The following ATP7B variants were observed in gnomAD, a reference collection of about 807,000 sequenced individuals.
The protein encoded by ATP7B is copper-transporting ATPase 2.
In ATP7B, 113 loss-of-function variants were observed where a neutral mutation model predicts 118.9. That is an observed-to-expected ratio of 0.95 (90% CI 0.82 to 1.11). ATP7B has a LOEUF of 1.11. ATP7B is among the 50% of genes most tolerant of loss of function. The pLI, the probability that ATP7B is intolerant of heterozygous loss-of-function variation, is 0.00. For missense variants in ATP7B, 1,867 were observed against 1,871.4 expected (o/e 1.00, Z 0.04); for synonymous variants, 777 against 727.4 (o/e 1.07, Z -1.10).
chr13:51,985,982 C>T (rs1477804334), intron 1 of ATP7B, among the ~76,000 whole-genome samples: 1 of 152,016 alleles, frequency 6.6e-6, no homozygotes, highest in African/African-American at 2.4e-5. Context: ...AAATCAACAC[C>T]CTAACACCAC....
rs371840514 is a variant in ATP7B, at chr13:51,946,291, G to A, written c.3053C>T (p.Ala1018Val). 3.4e-5 allele frequency: 54 copies of A among 1,585,058 alleles called. No individual in the cohort carries two copies. Among genetic ancestry groups the A allele is most frequent in the South Asian group, 1.3e-4 (11 of 87,892 alleles). The change falls in exon 13 of 21, where the codon GCG (alanine) becomes GTG (valine). Residue 1018 changes from alanine to valine, a missense_variant. By Grantham distance (64) the Ala-to-Val change is moderately conservative (BLOSUM62 0). Transcript: ENST00000242839. Reference sequence around the variant, plus strand: ...GCCGTGCTACAGGCTGACCTTGTGCGCCATCTCCAGGGGCTTGCCTCCCTT... The same window carrying A: ...GCCGTGCTACAGGCTGACCTTGTGCACCATCTCCAGGGGCTTGCCTCCCTT... ...LIKGGKPLEM[A>V]HKIKTVMFDK... is the part of the protein sequence containing the mutation.
At chr13:51,956,186 G>C (rs748037889) in intron 9 of ATP7B, among the ~76,000 whole-genome samples, 26 of 152,150 alleles carry the variant, frequency 1.7e-4, no homozygotes, top group Non-Finnish European at 3.5e-4. Flanking sequence ...GTGCCACCGC[G>C]CAGCAGCCAG....
chr13:52,011,278 A>G lies in ATP7B; in HGVS notation c.51+9T>C, dbSNP rs374787021. 2 of 1,614,108 alleles carry G rather than the reference A, an allele frequency of 1.2e-6. No individual in the cohort carries two copies. The highest frequency in any genetic ancestry group is 3.3e-5 in the Admixed American group (2 of 60,012). ...GCACGCTGCGCGGACGCGGGGGAAC[A>G]AAACTCACTTTCCGACTGGCCCCTT... On this transcript the variant is annotated intron_variant, in intron 1 of 20. Coordinates refer to ENST00000242839, the MANE Select transcript of ATP7B (RefSeq NM_000053.4).
chr13:51,949,584 A>C, intron 12 of ATP7B, 78 bp downstream of exon 12: 1 of 1,571,322 alleles, frequency 6.4e-7, no homozygotes, highest in Admixed American at 1.7e-5. Flanking sequence ...CAGTGAATCT[A>C]AGATATGAAA....
chr13:51,980,396 G>A (rs1048856834), intron 1 of ATP7B, among the ~76,000 whole-genome samples: 4 of 152,180 alleles, frequency 2.6e-5, no homozygotes, highest in African/African-American at 9.7e-5. Flanking sequence ...ACAGAAGGGA[G>A]TCCAAAAGTG....
At chr13:51,961,966 A>C (rs1310531425) in intron 5 of ATP7B, 53 bp from the exon 6 acceptor site, 13 of 1,474,718 alleles carry the variant, frequency 8.8e-6, no homozygotes, top group Non-Finnish European at 1.1e-5. Flanking sequence ...ACTTGGTTAA[A>C]ATATGCATTG....
intron 3 of ATP7B, among the ~76,000 whole-genome samples, chr13:51,970,091 C>A (rs550241692): frequency 6.6e-6 from 1 of 152,240 alleles, no homozygotes; most frequent in East Asian, 1.9e-4. Flanking sequence ...CTCTGGTTTA[C>A]AGGAACAACA....
chr13:51,970,784 A>G (rs758864302), intron 2 of ATP7B, 35 bp from the exon 3 acceptor site: 4 of 1,607,100 alleles, frequency 2.5e-6, no homozygotes, highest in Non-Finnish European at 3.4e-6. Flanking sequence ...TCAAATTAGA[A>G]GAGCAAATAA....
At position 51,934,748 on chromosome 13, in the gene ATP7B, T is replaced by C; in HGVS notation, c.*8A>G. The C allele has an allele frequency of 6.2e-7, 1 of 1,613,162 alleles. No individual in the cohort carries two copies. Among genetic ancestry groups the C allele is most frequent in the Non-Finnish European group, 8.5e-7 (1 of 1,180,032 alleles). On this transcript the variant is annotated 3_prime_UTR_variant, in exon 21 of 21. Transcript: ENST00000242839. ...AAGTCCCTGCCCCGGCCCGCCTGCC[T>C]GAAGTCATCAGATGTACTGCTCCTC... is the stretch of plus-strand genomic sequence containing the variant.
chr13:52,010,467 C>G lies in ATP7B; in HGVS notation c.51+820G>C, dbSNP rs527469402. On this transcript the variant is annotated intron_variant, in intron 1 of 20. Coordinates refer to ENST00000242839, the MANE Select transcript of ATP7B (RefSeq NM_000053.4). Reference sequence around the variant, plus strand: ...GAGAGAAAAAAAGTAGCAAACAGAACGTCCACCACTAGGAAACCATGAATA... The same window carrying G: ...GAGAGAAAAAAAGTAGCAAACAGAAGGTCCACCACTAGGAAACCATGAATA... Among the ~76,000 whole-genome samples the G allele has an allele frequency of 2.3e-3, 348 of 152,276 alleles. 1 individual carries two copies. Among genetic ancestry groups the G allele is most frequent in the Non-Finnish European group, 4.1e-3 (282 of 68,020 alleles).
chr13:52,002,499 C>T (rs1470117257), intron 1 of ATP7B, among the ~76,000 whole-genome samples: 1 of 74,416 alleles, frequency 1.3e-5, no homozygotes, highest in Non-Finnish European at 2.8e-5. Context: ...CCGAGGAGAT[C>T]CAGGCTGCAG....
chr13:51,955,714 T>C (rs190957858), intron 9 of ATP7B, among the ~76,000 whole-genome samples: 14 of 152,048 alleles, frequency 9.2e-5, no homozygotes, highest in Non-Finnish European at 1.6e-4. Context: ...CCAACACAGC[T>C]GCCAGCGGCT....
intron 11 of ATP7B, 39 bp from the exon 12 acceptor site, chr13:51,949,835 C>G: frequency 6.2e-7 from 1 of 1,613,746 alleles, no homozygotes; most frequent in Non-Finnish European, 8.5e-7. Context: ...GAAATTACAA[C>G]CTATGAAGAA....
chr13:52,006,089 C>T (rs1377029815), intron 1 of ATP7B, among the ~76,000 whole-genome samples: 4 of 152,212 alleles, frequency 2.6e-5, no homozygotes, highest in Non-Finnish European at 5.9e-5. Flanking sequence ...CCCTTTATTT[C>T]GGCCCATCCC....
intron 6 of ATP7B, among the ~76,000 whole-genome samples, chr13:51,961,175 T>C (rs768380645): frequency 6.6e-6 from 1 of 151,902 alleles, no homozygotes; most frequent in Non-Finnish European, 1.5e-5. Flanking sequence ...GGAGTTTTCC[T>C]AGACCTTCCA....
intron 1 of ATP7B, among the ~76,000 whole-genome samples, chr13:52,009,979 T>C (rs1345849700): frequency 6.6e-6 from 1 of 152,146 alleles, no homozygotes; most frequent in Non-Finnish European, 1.5e-5. Flanking sequence ...ATAACGCTGG[T>C]CAACGCTATT....
At chr13:52,009,864 C>T (rs1244794604) in intron 1 of ATP7B, among the ~76,000 whole-genome samples, 1 of 152,124 alleles carries the variant, frequency 6.6e-6, no homozygotes, top group Non-Finnish European at 1.5e-5. Flanking sequence ...ATGTTGATAA[C>T]AAGATATAAT....
intron 1 of ATP7B, among the ~76,000 whole-genome samples, chr13:51,992,592 A>G (rs1952967203): frequency 6.6e-6 from 1 of 152,226 alleles, no homozygotes; most frequent in Non-Finnish European, 1.5e-5. Flanking sequence ...TTTTATAATC[A>G]TAAACCAGCT....
chr13:51,972,594 C>A (rs1593782369), intron 2 of ATP7B, among the ~76,000 whole-genome samples: 1 of 152,176 alleles, frequency 6.6e-6, no homozygotes, highest in East Asian at 1.9e-4. Context: ...TTCAAACCCA[C>A]CTCTTTCTCA....
Sources: allele counts gnomAD v4.1 joint callset (sites outside exome capture counted in the v4.1 genomes callset), GRCh38; gene constraint gnomAD v4.1.1; transcripts MANE v1.5; gene names NCBI Gene and HGNC (gene_info 2026-07-23, HGNC 2026-07-21).